The following PTPRG variants were observed in gnomAD, a reference collection of about 807,000 sequenced individuals.
PTPRG encodes the protein protein tyrosine phosphatase receptor type G.
Under a neutral mutation model 165.3 loss-of-function variants are expected in PTPRG, and 102 were observed. That is an observed-to-expected ratio of 0.62 (90% CI 0.53 to 0.73). The LOEUF is 0.73. Ranked by LOEUF, PTPRG falls within the 30% of genes least tolerant of loss-of-function variation. PTPRG has a pLI of 0.00. For synonymous variants in PTPRG, 675 were observed against 669.5 expected, an observed-to-expected ratio of 1.01 and a Z score of -0.13; for missense variants, 1,866 against 1,861.4, an observed-to-expected ratio of 1.00 and a Z score of -0.05.
chr3:61,957,594 C>T lies in PTPRG; in HGVS notation c.191-32031C>T, dbSNP rs577393498. 2.2e-4 allele frequency among the ~76,000 whole-genome samples: 33 copies of T among 152,322 alleles called. No homozygotes were observed. In the South Asian group the frequency reaches 6.8e-3, roughly 32 times the overall value. On this transcript the variant is annotated intron_variant, in intron 2 of 29. Coordinates refer to ENST00000474889, the MANE Select transcript of PTPRG (RefSeq NM_002841.4). ...CTAACCACGGGAACAATTAGGTGAT[C>T]ATTAAATGGCTTCCAAGGGGATGCC...
chr3:61,979,244 G>A (rs2040582101), intron 2 of PTPRG, among the ~76,000 whole-genome samples: 1 of 152,148 alleles, frequency 6.6e-6, no homozygotes, highest in African/African-American at 2.4e-5. Context: ...TCTTTGCACA[G>A]CACCGTTACT....
At chr3:62,290,782 G>T (rs73087849) in intron 28 of PTPRG, among the ~76,000 whole-genome samples, 1 of 152,012 alleles carries the variant, frequency 6.6e-6, no homozygotes, top group Non-Finnish European at 1.5e-5. Flanking sequence ...ATAAGACTCA[G>T]ATGAATTAGA....
At chr3:61,778,813 T>C (rs1435543012) in intron 2 of PTPRG, among the ~76,000 whole-genome samples, 1 of 152,098 alleles carries the variant, frequency 6.6e-6, no homozygotes, top group Non-Finnish European at 1.5e-5. Flanking sequence ...AGGGAAAGAA[T>C]TCCAGGCAGA....
intron 2 of PTPRG, among the ~76,000 whole-genome samples, chr3:61,928,957 G>A (rs886418884): frequency 6.6e-6 from 1 of 152,148 alleles, no homozygotes; most frequent in Admixed American, 6.5e-5. Context: ...TTGTCACAAC[G>A]GGAAGGATGT....
chr3:61,808,615 C>T (rs1274450122), intron 2 of PTPRG, among the ~76,000 whole-genome samples: 1 of 152,180 alleles, frequency 6.6e-6, no homozygotes, highest in Non-Finnish European at 1.5e-5. Context: ...CACACCATCC[C>T]TTTCGCAAAA....
chr3:62,189,363 G>A (rs912820543), intron 8 of PTPRG, among the ~76,000 whole-genome samples: 4 of 152,134 alleles, frequency 2.6e-5, no homozygotes, highest in African/African-American at 9.7e-5. Flanking sequence ...AAGCCATCCT[G>A]TCCCCAGAGC....
At chr3:61,676,464 A>AAAAAAAAAAAAAAAAAAAG in intron 1 of PTPRG, among the ~76,000 whole-genome samples, 1 of 144,938 alleles carries the variant, frequency 6.9e-6, no homozygotes, top group Non-Finnish European at 1.5e-5. Context: ...CTCAAAAAAA[A>AAAAAAAAAAAAAAAAAAAG]AAAAAAAAAA....
intron 1 of PTPRG, among the ~76,000 whole-genome samples, chr3:61,696,798 C>T (rs2030627221): frequency 6.6e-6 from 1 of 152,114 alleles, no homozygotes; most frequent in South Asian, 2.1e-4. Flanking sequence ...TGATAACTTA[C>T]CATACGTATT....
In PTPRG at chr3:62,217,087, T is replaced by C. The variant is rs930889061; in HGVS notation, c.2156-1764T>C. On this transcript the variant is annotated intron_variant, in intron 12 of 29. Coordinates refer to ENST00000474889, the MANE Select transcript of PTPRG (RefSeq NM_002841.4). This position sits in a 1 kb window ranked among gnomAD's most constrained non-coding sequence, Gnocchi z 4.3. ...CCCCATGGGTACAGCAGTGCTACTA[T>C]CTGATGTACTGATGTGTCCCCATCC... Among the ~76,000 whole-genome samples the C allele has an allele frequency of 2.6e-5, 4 of 152,224 alleles. No individual in the cohort carries two copies. The highest frequency in any genetic ancestry group is 5.9e-5 in the Non-Finnish European group (4 of 68,048).
intron 4 of PTPRG, among the ~76,000 whole-genome samples, chr3:62,025,576 C>A (rs186900958): frequency 1.3e-5 from 2 of 152,188 alleles, no homozygotes; most frequent in Non-Finnish European, 2.9e-5. Context: ...AAAATGTAAC[C>A]ATTATGGAGT....
intron 1 of PTPRG, among the ~76,000 whole-genome samples, chr3:61,672,502 G>A (rs1165206688): frequency 1.4e-5 from 2 of 147,704 alleles, no homozygotes; most frequent in African/African-American, 2.5e-5. Context: ...CGGATCACTC[G>A]CGGTTAGGAG....
At chr3:62,118,060 G>A (rs1232922431) in intron 5 of PTPRG, among the ~76,000 whole-genome samples, 1 of 152,182 alleles carries the variant, frequency 6.6e-6, no homozygotes, top group Non-Finnish European at 1.5e-5. Context: ...GCCCTCTGAG[G>A]AAAGTACAGC....
At chr3:62,160,964 G>A (rs758114111) in intron 7 of PTPRG, among the ~76,000 whole-genome samples, 28 of 143,312 alleles carry the variant, frequency 2.0e-4, no homozygotes, top group Non-Finnish European at 3.6e-4. Context: ...GTGAGAAACA[G>A]TAGAGCAGCT....
intron 5 of PTPRG, among the ~76,000 whole-genome samples, chr3:62,125,701 A>G (rs1703263913): frequency 6.8e-6 from 1 of 147,030 alleles, no homozygotes; most frequent in Non-Finnish European, 1.5e-5. Context: ...TTTTTTTTAA[A>G]TTCAAACGTC....
intron 2 of PTPRG, among the ~76,000 whole-genome samples, chr3:61,852,147 A>C (rs934315559): frequency 2.0e-5 from 3 of 152,114 alleles, no homozygotes; most frequent in Non-Finnish European, 4.4e-5. Flanking sequence ...ATTTCTTTTT[A>C]AGGTGTTTGG....
intron 2 of PTPRG, among the ~76,000 whole-genome samples, chr3:61,833,844 C>T (rs1206719605): frequency 2.6e-5 from 4 of 152,258 alleles, no homozygotes; most frequent in Middle Eastern, 6.8e-3. Context: ...GGATTACAGG[C>T]GTGAGCCACC....
intron 1 of PTPRG, among the ~76,000 whole-genome samples, chr3:61,693,432 T>C (rs1468409509): frequency 6.6e-6 from 1 of 152,214 alleles, no homozygotes; most frequent in Non-Finnish European, 1.5e-5. Flanking sequence ...TGTGTCATAA[T>C]TGAATACATG....
At position 61,683,081 on chromosome 3, in the gene PTPRG, C is replaced by T. The variant is rs115569360; in HGVS notation, c.86-65797C>T. Among the ~76,000 whole-genome samples the T allele has an allele frequency of 6.8e-4, 103 of 152,310 alleles. 1 individual carries two copies. The highest frequency in any genetic ancestry group is 2.4e-3 in the African/African-American group (100 of 41,564). ...GCCTAACAAAGCTCAAGGTGTCTTG[C>T]TGACTAATTACAGGGATGTCACACC... On this transcript the variant is annotated intron_variant, in intron 1 of 29. Coordinates refer to ENST00000474889, the MANE Select transcript of PTPRG (RefSeq NM_002841.4).
chr3:61,609,048 T>A (rs893711958), intron 1 of PTPRG, among the ~76,000 whole-genome samples: 1 of 152,188 alleles, frequency 6.6e-6, no homozygotes, highest in African/African-American at 2.4e-5. Context: ...CGGAAGCCTT[T>A]GGTCTCTAGA....
Sources: allele counts gnomAD v4.1 joint callset (sites outside exome capture counted in the v4.1 genomes callset), GRCh38; gene constraint gnomAD v4.1.1; non-coding constraint Gnocchi (gnomAD v3.1); transcripts MANE v1.5; gene names NCBI Gene and HGNC (gene_info 2026-07-23, HGNC 2026-07-21).